The following AATF variants were observed in gnomAD, a reference collection of about 807,000 sequenced individuals.
AATF encodes the protein protein AATF.
AATF carries 48 observed loss-of-function variants against 63.7 expected under a neutral mutation model. The ratio of observed to expected loss-of-function variants is 0.75; its 90% confidence interval spans 0.60 to 0.96. The LOEUF is 0.96. Among genes scored for constraint, AATF ranks in the 40% least tolerant of loss-of-function variants. The pLI, the probability that AATF is intolerant of heterozygous loss-of-function variation, is 0.00. For synonymous variants in AATF, 258 were observed against 247.7 expected (o/e 1.04, Z -0.39); for missense variants, 639 against 685.7 (o/e 0.93, Z 0.76).
chr17:37,026,542 C>T lies in AATF; in HGVS notation c.1548-5072C>T, dbSNP rs113397321. The stretch of plus-strand genomic sequence containing the variant: ...TTTGAAAGCTGACTTTTCCATTTCC[C>T]GGCCTTGAGACTTTGAACAAATTAC... On this transcript the variant is annotated intron_variant, in intron 10 of 11. Coordinates refer to ENST00000619387, the MANE Select transcript of AATF (RefSeq NM_012138.4). Among the ~76,000 whole-genome samples, 294 of 152,322 alleles carry T rather than the reference C, an allele frequency of 1.9e-3. 3 individuals carry two copies. The highest frequency in any genetic ancestry group is 6.7e-3 in the African/African-American group (277 of 41,576).
At chr17:36,953,383 A>T in intron 3 of AATF, 87 bp downstream of exon 3, 1 of 1,545,996 alleles carries the variant, frequency 6.5e-7, no homozygotes, top group Non-Finnish European at 8.7e-7. Flanking sequence ...GCTATTCTCT[A>T]TCTCCTGTGT....
intron 8 of AATF, among the ~76,000 whole-genome samples, chr17:37,002,511 C>CAA (rs942463235): frequency 9.7e-5 from 12 of 123,918 alleles, no homozygotes; most frequent in East Asian, 2.3e-4. Context: ...ACTAAAAATA[C>CAA]AAAAAAAAAA....
At chr17:36,951,883 T>A (rs2070858149) in intron 2 of AATF, among the ~76,000 whole-genome samples, 1 of 152,250 alleles carries the variant, frequency 6.6e-6, no homozygotes, top group South Asian at 2.1e-4. Context: ...TTTATTTTAT[T>A]GAAGAAAGTT....
chr17:37,053,513 C>A (rs533011151), intron 11 of AATF, among the ~76,000 whole-genome samples: 2 of 152,002 alleles, frequency 1.3e-5, no homozygotes, highest in South Asian at 4.2e-4. Flanking sequence ...TATATTAGGA[C>A]AAAACTCTGT....
chr17:36,997,381 A>G (rs2142259066), intron 8 of AATF, among the ~76,000 whole-genome samples: 1 of 152,360 alleles, frequency 6.6e-6, no homozygotes, highest in South Asian at 2.1e-4. Context: ...TCAAATCAGT[A>G]AGAAAAAAAC....
chr17:36,950,259 G>A lies in AATF; in HGVS notation c.137G>A (p.Gly46Glu), dbSNP rs141743623. ...VIDRFDEGEDGEGDFLVVGSI... is the reference protein window; with the variant it reads ...VIDRFDEGEDEEGDFLVVGSI... ...GACAGGTTTGATGAAGGGGAAGATG[G>A]GGAAGGTGATTTCCTAGTAGTGGGT... is the stretch of plus-strand genomic sequence containing the variant. The change falls in exon 2 of 12, where the codon GGG becomes GAG. Residue 46 changes from glycine (G) to glutamate (E), a missense_variant. Gly to Glu is a moderately conservative substitution (Grantham distance 98). Coordinates refer to ENST00000619387, the MANE Select transcript of AATF (RefSeq NM_012138.4). 6.2e-7 allele frequency: 1 copy of A among 1,614,152 alleles called. No individual in the cohort carries two copies. Among genetic ancestry groups the A allele is most frequent in the African/African-American group, 1.3e-5 (1 of 75,038 alleles).
rs773061471 is a variant in AATF at position 37,049,604 on chromosome 17, C to CAA, written c.1620-6981_1620-6980dup. On this transcript the variant is annotated intron_variant, in intron 11 of 11. Transcript: ENST00000619387. The stretch of plus-strand genomic sequence containing the variant: ...TGGGTGACAGAGCGAGACTCCGTCT[C>CAA]AAAAAAAAAAAAAAAAAGGGAAAGC... Among the ~76,000 whole-genome samples, 63 of 63,152 alleles carry CAA rather than the reference C, an allele frequency of 1.0e-3. 1 individual carries two copies. Among genetic ancestry groups the CAA allele is most frequent in the Middle Eastern group, 0.031 (2 of 64 alleles). 41.4% of individuals were successfully genotyped at this position (63,152 alleles called of 152,430 possible). A position where few individuals can be genotyped will look rare whatever the true frequency, so the allele number is the denominator to read the frequency against.
chr17:36,961,149 ACATCAG>A lies in AATF; in HGVS notation c.832+7246_832+7251del, dbSNP rs1450051594. Among the ~76,000 whole-genome samples the A allele has an allele frequency of 2.0e-4, 31 of 152,348 alleles. 1 individual carries two copies. The South Asian group carries it at 4.8e-3, about 23-fold the overall frequency. On this transcript the variant is annotated intron_variant, in intron 4 of 11. Coordinates refer to ENST00000619387, the MANE Select transcript of AATF (RefSeq NM_012138.4). ...ATTTCATGTCAGTATATTTAGATGT[ACATCAG>A]CATTTTTAGGAGTTGAAGTATTCCT...
At chr17:36,989,215 G>C (rs1322923862) in intron 6 of AATF, 32 bp from the exon 7 acceptor site, 2 of 1,581,368 alleles carry the variant, frequency 1.3e-6, no homozygotes, top group African/African-American at 2.7e-5. Flanking sequence ...CTGATTTTCT[G>C]CATTATCTGA....
At chr17:37,051,049 A>C (rs1873187162) in intron 11 of AATF, 1 of 152,238 alleles carries the variant, frequency 6.6e-6, no homozygotes, top group Non-Finnish European at 1.5e-5. Context: ...TGCTGGGATT[A>C]CATGAGCCAC....
chr17:37,045,178 A>G (rs1025570020), intron 11 of AATF, among the ~76,000 whole-genome samples: 6 of 152,324 alleles, frequency 3.9e-5, no homozygotes, highest in African/African-American at 1.4e-4. Flanking sequence ...ACCCTCAGAA[A>G]TGAGGTCCTG....
chr17:37,039,592 C>T (rs975094869), intron 11 of AATF, among the ~76,000 whole-genome samples: 1 of 152,128 alleles, frequency 6.6e-6, no homozygotes, highest in African/African-American at 2.4e-5. Context: ...TAGCACCACA[C>T]GTTTGACCCC....
intron 10 of AATF, among the ~76,000 whole-genome samples, chr17:37,029,756 G>A (rs1015219946): frequency 6.7e-6 from 1 of 150,364 alleles, no homozygotes; most frequent in Admixed American, 6.6e-5. Flanking sequence ...AGTAGAGATG[G>A]GGTTTCAACA....
At chr17:37,011,807 A>G (rs2071393407) in intron 8 of AATF, among the ~76,000 whole-genome samples, 1 of 152,148 alleles carries the variant, frequency 6.6e-6, no homozygotes, top group Non-Finnish European at 1.5e-5. Context: ...AGATCTTGAG[A>G]CCTTAGCACA....
chr17:36,954,052 G>C (rs894574265), intron 4 of AATF, 145 bp downstream of exon 4: 3 of 747,082 alleles, frequency 4.0e-6, no homozygotes, highest in Non-Finnish European at 6.2e-6. Context: ...ATCCCCCTTG[G>C]CTTTCCAAGT....
rs1401084983 is a variant in AATF, at chr17:37,008,583, G to T, written c.1399-10422G>T. On this transcript the variant is annotated intron_variant, in intron 8 of 11. Coordinates refer to ENST00000619387, the MANE Select transcript of AATF (RefSeq NM_012138.4). ...TTTAAATAGAAAATCCTGTAACTAG[G>T]CTGGGCATGGTGGCTTATCCCTGTA... Among the ~76,000 whole-genome samples, 4 of 152,190 alleles carry T rather than the reference G, an allele frequency of 2.6e-5. No homozygotes were observed. In the East Asian group the frequency reaches 7.7e-4, roughly 29 times the overall value.
chr17:36,978,084 A>C (rs145870241), intron 4 of AATF, among the ~76,000 whole-genome samples: 75 of 152,286 alleles, frequency 4.9e-4, no homozygotes, highest in African/African-American at 1.7e-3. Flanking sequence ...ACAGAACTCA[A>C]ATGCACACTA....
At chr17:36,989,091 A>G (rs1290058630) in intron 6 of AATF, among the ~76,000 whole-genome samples, 156 bp from the exon 7 acceptor site, 1 of 152,092 alleles carries the variant, frequency 6.6e-6, no homozygotes, top group African/African-American at 2.4e-5. Flanking sequence ...TTTAAGAACA[A>G]TTATAGCCAC....
intron 4 of AATF, among the ~76,000 whole-genome samples, chr17:36,981,689 TCTTCTTTCTTTTC>T (rs2071125810): frequency 6.8e-6 from 1 of 147,134 alleles, no homozygotes; most frequent in African/African-American, 2.6e-5. Flanking sequence ...TTCTTCTTCT[TCTTCTTTCTTTTC>T]TTTTTTTTTT....
Sources: allele counts gnomAD v4.1 joint callset (sites outside exome capture counted in the v4.1 genomes callset), GRCh38; gene constraint gnomAD v4.1.1; transcripts MANE v1.5; gene names NCBI Gene and HGNC (gene_info 2026-07-23, HGNC 2026-07-21).